Variants in CDKL4 observed in about 807,000 individuals in gnomAD.
CDKL4 encodes cyclin dependent kinase like 4.
In CDKL4, 44 loss-of-function variants were observed where a neutral mutation model predicts 42.0. That is an observed-to-expected ratio of 1.05 (90% CI 0.82 to 1.35). CDKL4 has a LOEUF of 1.35. Among genes scored for constraint, CDKL4 ranks in the 40% most tolerant of loss-of-function variants. The probability of loss-of-function intolerance (pLI) is 0.00; values close to 1 mark genes in which losing one functional copy is unlikely to be tolerated. For missense variants in CDKL4, 393 were observed against 369.9 expected, an observed-to-expected ratio of 1.06 and a Z score of -0.51; for synonymous variants, 120 against 121.6, an observed-to-expected ratio of 0.99 and a Z score of 0.09.
At chr2:39,209,695 C>T (rs1477156289) in intron 4 of CDKL4, among the ~76,000 whole-genome samples, 3 of 152,068 alleles carry the variant, frequency 2.0e-5, no homozygotes, top group Non-Finnish European at 2.9e-5. Flanking sequence ...TTTAGGATCT[C>T]GACTCTGGAG....
chr2:39,216,266 G>T (rs1264064769), intron 3 of CDKL4, among the ~76,000 whole-genome samples: 1 of 152,104 alleles, frequency 6.6e-6, no homozygotes. Flanking sequence ...CCAGTCGATG[G>T]GATTGAGACC....
intron 3 of CDKL4, among the ~76,000 whole-genome samples, chr2:39,214,619 C>T (rs534111772): frequency 2.6e-5 from 4 of 152,320 alleles, no homozygotes; most frequent in Admixed American, 1.3e-4. Context: ...GCACCCATTA[C>T]ATTTCGATCC....
chr2:39,236,498 C>A (rs1231542282), intron 1 of CDKL4, among the ~76,000 whole-genome samples: 1 of 152,054 alleles, frequency 6.6e-6, no homozygotes, highest in Non-Finnish European at 1.5e-5. Context: ...GAAATCCATG[C>A]CTTGATATAT....
intron 3 of CDKL4, among the ~76,000 whole-genome samples, chr2:39,220,614 G>C (rs1437083556): frequency 6.6e-6 from 1 of 151,750 alleles, no homozygotes; most frequent in Non-Finnish European, 1.5e-5. Flanking sequence ...TTGAGATGGA[G>C]TTTCGCTCTG....
chr2:39,225,902 A>G, exon 3 of CDKL4: 1 of 1,611,712 alleles, frequency 6.2e-7, no homozygotes, highest in Non-Finnish European at 8.5e-7. Context: ...AACTAAATGC[A>G]TTTTCCTTTT....
chr2:39,231,692 A>G (rs989958381), intron 1 of CDKL4, among the ~76,000 whole-genome samples: 2 of 152,222 alleles, frequency 1.3e-5, no homozygotes, highest in African/African-American at 4.8e-5. Context: ...GTGAGCATGC[A>G]TACATTTGCA....
At chr2:39,218,001 G>A (rs982091555) in intron 3 of CDKL4, among the ~76,000 whole-genome samples, 7 of 151,812 alleles carry the variant, frequency 4.6e-5, no homozygotes, top group African/African-American at 1.7e-4. Flanking sequence ...CCAAAGTGTT[G>A]GGATTACAGG....
At chr2:39,246,053 CTATATGTTAATAA>C (rs1018684781), upstream of CDKL4, among the ~76,000 whole-genome samples, 2 of 152,196 alleles carry the variant, frequency 1.3e-5, no homozygotes, top group Non-Finnish European at 2.9e-5. Context: ...CTTAGAAATG[CTATATGTTAATAA>C]GCACACACGT....
upstream of CDKL4, among the ~76,000 whole-genome samples, chr2:39,244,253 C>T (rs970661659): frequency 6.6e-6 from 1 of 152,380 alleles, no homozygotes. Context: ...CCCACTCCCT[C>T]AGCTTGCAGG....
chr2:39,200,277 A>C (rs560982684), intron 5 of CDKL4, among the ~76,000 whole-genome samples: 3 of 151,878 alleles, frequency 2.0e-5, no homozygotes, highest in Admixed American at 2.0e-4. Context: ...AATATACTTA[A>C]CCAAGGAGGT....
intron 7 of CDKL4, among the ~76,000 whole-genome samples, chr2:39,185,378 G>A (rs1453092491): frequency 1.2e-4 from 2 of 16,400 alleles, no homozygotes; most frequent in Admixed American, 5.8e-4. Flanking sequence ...ATATACATAT[G>A]TATATATACA....
chr2:39,195,637 ATTAATTTTTTTT>A (rs1558555560), intron 5 of CDKL4, among the ~76,000 whole-genome samples: 1 of 147,728 alleles, frequency 6.8e-6, no homozygotes, highest in African/African-American at 2.5e-5. Context: ...TACATTTTTA[ATTAATTTTTTTT>A]TTTTTTTTTT....
At chr2:39,195,841 G>A (rs1676483582) in intron 5 of CDKL4, among the ~76,000 whole-genome samples, 1 of 151,924 alleles carries the variant, frequency 6.6e-6, no homozygotes, top group Non-Finnish European at 1.5e-5. Flanking sequence ...TGTCTATTCT[G>A]ATGGCTTCTG....
chr2:39,187,489 G>C (rs1675894272), intron 7 of CDKL4, 138 bp downstream of exon 7: 1 of 581,770 alleles, frequency 1.7e-6, no homozygotes, highest in African/African-American at 2.0e-5. Flanking sequence ...AGGCTGCAGT[G>C]AGCCATGACC....
exon 6 of CDKL4, chr2:39,190,494 C>T: frequency 1.2e-6 from 2 of 1,614,054 alleles, no homozygotes; most frequent in East Asian, 4.5e-5. Flanking sequence ...GTGTAGGCAT[C>T]TCCTGGAACT....
At chr2:39,192,906 G>A (rs1211682528) in intron 5 of CDKL4, among the ~76,000 whole-genome samples, 3 of 151,450 alleles carry the variant, frequency 2.0e-5, no homozygotes, top group African/African-American at 4.8e-5. Context: ...CAGGCGGATC[G>A]TGTGAGCCCA....
At chr2:39,220,576 C>T (rs111667710) in intron 3 of CDKL4, among the ~76,000 whole-genome samples, 16 of 151,856 alleles carry the variant, frequency 1.1e-4, no homozygotes, top group African/African-American at 3.6e-4. Flanking sequence ...ACAACTTATT[C>T]GAGATTCTGG....
intron 3 of CDKL4, 120 bp downstream of exon 3, chr2:39,225,719 C>T: frequency 2.2e-6 from 2 of 927,396 alleles, no homozygotes. Context: ...GATGGGGTAG[C>T]CAGATGCATT....
upstream of CDKL4, among the ~76,000 whole-genome samples, chr2:39,246,647 A>G (rs1387836920): frequency 6.6e-6 from 1 of 152,210 alleles, no homozygotes; most frequent in Non-Finnish European, 1.5e-5. Context: ...ACAGGTTCCT[A>G]CCTTGCTTTC....
Sources: gnomAD v4.1 joint callset for allele counts (sites outside exome capture counted in the v4.1 genomes callset) on GRCh38, gnomAD v4.1.1 for gene constraint, MANE v1.5 for transcripts, NCBI Gene and HGNC (gene_info 2026-07-23, HGNC 2026-07-21) for gene names.